The following GRID2 variants were observed in gnomAD, a reference collection of about 807,000 sequenced individuals.
GRID2 encodes the protein glutamate receptor ionotropic, delta-2.
In GRID2, 33 loss-of-function variants were observed where a neutral mutation model predicts 114.8. That is an observed-to-expected ratio of 0.29 (90% CI 0.22 to 0.38). The LOEUF (loss-of-function observed/expected upper bound fraction) is 0.38, where lower values mean the gene tolerates loss of function less well. Ranked by LOEUF, GRID2 falls within the 10% of genes least tolerant of loss-of-function variation. GRID2 has a pLI of 1.00. For synonymous variants in GRID2, 505 were observed against 449.9 expected, an observed-to-expected ratio of 1.12 and a Z score of -1.55; for missense variants, 1,184 against 1,257.7, an observed-to-expected ratio of 0.94 and a Z score of 0.89.
chr4:92,402,647 C>T (rs1730842816), intron 1 of GRID2, among the ~76,000 whole-genome samples: 1 of 152,114 alleles, frequency 6.6e-6, no homozygotes, highest in African/African-American at 2.4e-5. Context: ...TTCAGTAAAC[C>T]ATGCTATAAA....
At chr4:92,713,562 C>G in intron 2 of GRID2, among the ~76,000 whole-genome samples, 1 of 134,442 alleles carries the variant, frequency 7.4e-6, no homozygotes, top group East Asian at 2.3e-4. Context: ...CTGGATTAGT[C>G]TGTTTTCATG....
At chr4:92,464,304 T>C (rs1369143138) in intron 1 of GRID2, among the ~76,000 whole-genome samples, 2 of 152,040 alleles carry the variant, frequency 1.3e-5, no homozygotes, top group Non-Finnish European at 2.9e-5. Context: ...ACAGGATTTT[T>C]ACTACCGTTC....
chr4:93,695,624 C>G (rs2110125628), intron 14 of GRID2, among the ~76,000 whole-genome samples: 1 of 152,290 alleles, frequency 6.6e-6, no homozygotes, highest in East Asian at 1.9e-4. Context: ...AAATCACCAA[C>G]ACCTTGTCAT....
chr4:92,799,857 T>G (rs1740070473), intron 2 of GRID2, among the ~76,000 whole-genome samples: 1 of 152,054 alleles, frequency 6.6e-6, no homozygotes, highest in Non-Finnish European at 1.5e-5. Flanking sequence ...CAAGTTATTC[T>G]CTACTCAGCA....
rs116838669 is a variant in GRID2, at chr4:93,308,869, G to A, written c.1245+70379G>A. Among the ~76,000 whole-genome samples, 825 of 152,206 alleles carry A rather than the reference G, an allele frequency of 5.4e-3. 3 individuals are homozygous for A. The highest frequency in any genetic ancestry group is 8.9e-3 in the Non-Finnish European group (608 of 68,004). ...AAATATTCCTTGTGAAGGAAAACTT[G>A]ATATCACTATAACTTTAAGAAATAT... On this transcript the variant is annotated intron_variant, in intron 8 of 15. Coordinates refer to ENST00000282020, the MANE Select transcript of GRID2 (RefSeq NM_001510.4).
At chr4:92,469,092 G>T (rs1253983369) in intron 1 of GRID2, among the ~76,000 whole-genome samples, 1 of 152,000 alleles carries the variant, frequency 6.6e-6, no homozygotes, top group Non-Finnish European at 1.5e-5. Context: ...TATTATTTTT[G>T]AAGAGACTAC....
intron 14 of GRID2, among the ~76,000 whole-genome samples, chr4:93,704,151 G>C (rs899135449): frequency 6.6e-6 from 1 of 152,126 alleles, no homozygotes; most frequent in Non-Finnish European, 1.5e-5. Flanking sequence ...ATCCTCTCCA[G>C]CACCTGTTGT....
intron 11 of GRID2, among the ~76,000 whole-genome samples, chr4:93,479,202 T>A (rs942452239): frequency 1.1e-4 from 16 of 152,088 alleles, no homozygotes; most frequent in Admixed American, 6.6e-4. Flanking sequence ...ACCTTCATTT[T>A]AAAAATACTT....
chr4:93,244,220 G>T (rs1008499440), intron 8 of GRID2, among the ~76,000 whole-genome samples: 1 of 151,834 alleles, frequency 6.6e-6, no homozygotes, highest in Non-Finnish European at 1.5e-5. Flanking sequence ...ATCACAAACG[G>T]AATAAGGCTA....
At chr4:92,921,774 A>G (rs975030997) in intron 2 of GRID2, among the ~76,000 whole-genome samples, 2 of 152,182 alleles carry the variant, frequency 1.3e-5, no homozygotes, top group Non-Finnish European at 2.9e-5. Context: ...AATGCCACCC[A>G]GTTAGGCTAC....
chr4:93,226,354 G>A (rs1745482881), intron 7 of GRID2, among the ~76,000 whole-genome samples: 1 of 152,176 alleles, frequency 6.6e-6, no homozygotes, highest in South Asian at 2.1e-4. Flanking sequence ...AAATGCAATG[G>A]TGGGACAGTC....
At chr4:92,577,947 A>C (rs1025784354) in intron 1 of GRID2, among the ~76,000 whole-genome samples, 1 of 152,104 alleles carries the variant, frequency 6.6e-6, no homozygotes, top group Admixed American at 6.6e-5. Flanking sequence ...CTGGCCTCAA[A>C]GTCTCAGTGA....
chr4:92,545,531 G>T (rs1395080112), intron 1 of GRID2, among the ~76,000 whole-genome samples: 1 of 152,150 alleles, frequency 6.6e-6, no homozygotes, highest in Admixed American at 6.6e-5. Context: ...TGTGCAATGA[G>T]AAAATGTTGC....
intron 13 of GRID2, among the ~76,000 whole-genome samples, chr4:93,587,835 G>T (rs921476788): frequency 2.6e-5 from 4 of 152,026 alleles, no homozygotes; most frequent in Admixed American, 1.3e-4. Context: ...GCTTCCAAAG[G>T]AAAGAGAAAT....
chr4:92,765,512 ATT>A (rs112820325), intron 2 of GRID2, among the ~76,000 whole-genome samples: 1 of 147,000 alleles, frequency 6.8e-6, no homozygotes, highest in East Asian at 2.0e-4. Flanking sequence ...GAGACAAGCT[ATT>A]TTTTTTTTTT....
chr4:93,366,279 T>A (rs1399255001), intron 8 of GRID2, among the ~76,000 whole-genome samples: 4 of 152,070 alleles, frequency 2.6e-5, no homozygotes, highest in Admixed American at 6.6e-5. Flanking sequence ...GCATGGAACA[T>A]CCCTGAGAAA....
intron 3 of GRID2, among the ~76,000 whole-genome samples, chr4:93,088,682 A>G (rs1438494450): frequency 6.6e-6 from 1 of 152,182 alleles, no homozygotes; most frequent in Non-Finnish European, 1.5e-5. Context: ...GATATTAAAA[A>G]TAATATCTCT....
chr4:93,763,043 G>T (rs1178701951), intron 14 of GRID2, among the ~76,000 whole-genome samples: 1 of 152,076 alleles, frequency 6.6e-6, no homozygotes, highest in Non-Finnish European at 1.5e-5. Flanking sequence ...TATAGCCTTT[G>T]CAGACTTTAG....
exon 2 of GRID2, chr4:93,807,953 C>T (rs1164042442): frequency 6.6e-6 from 1 of 151,948 alleles, no homozygotes; most frequent in Non-Finnish European, 1.5e-5. Context: ...TAAGTATTCC[C>T]TCATCTCTGT....
Sources: allele counts gnomAD v4.1 joint callset (sites outside exome capture counted in the v4.1 genomes callset), GRCh38; gene constraint gnomAD v4.1.1; transcripts MANE v1.5; gene names NCBI Gene and HGNC (gene_info 2026-07-23, HGNC 2026-07-21).